Variants in BTBD9 observed in about 807,000 individuals in gnomAD.
BTBD9 encodes BTB/POZ domain-containing protein 9.
Under a neutral mutation model 64.3 loss-of-function variants are expected in BTBD9, and 49 were observed. The observed-to-expected ratio is 0.76, with a 90% confidence interval of 0.61 to 0.97. The LOEUF (loss-of-function observed/expected upper bound fraction) is 0.97, where lower values mean the gene tolerates loss of function less well. Ranked by LOEUF, BTBD9 falls within the 50% of genes least tolerant of loss-of-function variation. BTBD9 has a pLI of 0.00. For missense variants in BTBD9, 598 were observed against 762.1 expected, an observed-to-expected ratio of 0.78 and a Z score of 2.53; for synonymous variants, 260 against 274.7, an observed-to-expected ratio of 0.95 and a Z score of 0.53.
chr6:38,378,008 C>T (rs1026295567), intron 6 of BTBD9, among the ~76,000 whole-genome samples: 4 of 152,086 alleles, frequency 2.6e-5, no homozygotes, highest in African/African-American at 7.2e-5. Flanking sequence ...AATATGTCTG[C>T]GTTGTCTAAA....
chr6:38,233,525 G>A (rs1763682362), intron 9 of BTBD9, among the ~76,000 whole-genome samples: 1 of 152,196 alleles, frequency 6.6e-6, no homozygotes, highest in South Asian at 2.1e-4. Context: ...ACAAGGCTGG[G>A]CAGAAAGCAA....
intron 6 of BTBD9, among the ~76,000 whole-genome samples, chr6:38,361,538 G>A (rs955081655): frequency 6.7e-6 from 1 of 149,264 alleles, no homozygotes; most frequent in African/African-American, 2.5e-5. Flanking sequence ...ACGAGACCCT[G>A]TCTCTTAAAA....
At chr6:38,600,583 T>G (rs1056546215) in intron 1 of BTBD9, among the ~76,000 whole-genome samples, 1 of 152,184 alleles carries the variant, frequency 6.6e-6, no homozygotes, top group African/African-American at 2.4e-5. Context: ...CGTGCATGAT[T>G]CTAAACAAAA....
At chr6:38,553,556 A>C (rs1774900267) in intron 6 of BTBD9, among the ~76,000 whole-genome samples, 1 of 152,230 alleles carries the variant, frequency 6.6e-6, no homozygotes, top group African/African-American at 2.4e-5. Context: ...AAGAGCAAAA[A>C]GTCTTTTTAA....
intron 9 of BTBD9, among the ~76,000 whole-genome samples, chr6:38,227,401 C>T (rs1230009277): frequency 1.3e-5 from 2 of 152,128 alleles, no homozygotes; most frequent in Non-Finnish European, 2.9e-5. Flanking sequence ...TGCTTGAAGG[C>T]CTAAACAATG....
chr6:38,233,606 C>A (rs2127519019), intron 9 of BTBD9, among the ~76,000 whole-genome samples: 1 of 152,352 alleles, frequency 6.6e-6, no homozygotes, highest in Admixed American at 6.5e-5. Context: ...CTTACTTGGC[C>A]TGCCAGCGCC....
At chr6:38,358,750 G>T (rs1026160243) in intron 6 of BTBD9, among the ~76,000 whole-genome samples, 32 of 150,794 alleles carry the variant, frequency 2.1e-4, no homozygotes, top group African/African-American at 2.2e-4. Context: ...AATAATAAAT[G>T]ATTTCAATGG....
chr6:38,417,074 G>A (rs1202493723), intron 6 of BTBD9, among the ~76,000 whole-genome samples: 1 of 152,122 alleles, frequency 6.6e-6, no homozygotes, highest in Non-Finnish European at 1.5e-5. Context: ...CAAGTAGCTA[G>A]GACTACAGGC....
intron 6 of BTBD9, among the ~76,000 whole-genome samples, chr6:38,574,429 C>T (rs959208977): frequency 1.3e-5 from 2 of 151,918 alleles, no homozygotes; most frequent in South Asian, 4.2e-4. Flanking sequence ...TATGGGTTGG[C>T]GATACAAAAA....
At chr6:38,178,844 C>CTATTTATTTATTTATTTATT (rs148021128) in intron 10 of BTBD9, among the ~76,000 whole-genome samples, 1 of 151,322 alleles carries the variant, frequency 6.6e-6, no homozygotes. Flanking sequence ...ACAAAGGAGG[C>CTATTTATTTATTTATTTATT]TATTTATTTA....
chr6:38,304,468 T>A (rs1188395759), intron 7 of BTBD9, among the ~76,000 whole-genome samples: 2 of 151,100 alleles, frequency 1.3e-5, no homozygotes, highest in East Asian at 3.9e-4. Flanking sequence ...CTCGCTTGAA[T>A]CCGGGAGGCA....
At chr6:38,361,992 AC>A (rs1218092214) in intron 6 of BTBD9, among the ~76,000 whole-genome samples, 1 of 151,994 alleles carries the variant, frequency 6.6e-6, no homozygotes, top group Non-Finnish European at 1.5e-5. Flanking sequence ...GACCCAACAC[AC>A]CTCCACTTGC....
chr6:38,536,355 G>T (rs1049027764), intron 6 of BTBD9, among the ~76,000 whole-genome samples: 1 of 152,116 alleles, frequency 6.6e-6, no homozygotes, highest in Non-Finnish European at 1.5e-5. Flanking sequence ...GGAGAAAAGG[G>T]AACCCTCGTA....
At chr6:38,275,804 A>C (rs147764284) in intron 8 of BTBD9, among the ~76,000 whole-genome samples, 2 of 151,616 alleles carry the variant, frequency 1.3e-5, no homozygotes, top group Admixed American at 6.6e-5. Context: ...TGAGATACCA[A>C]CTCACACCAG....
chr6:38,175,084 A>AC lies in BTBD9; in HGVS notation c.1739dup (p.Gln581SerfsTer12). 3 of 1,614,214 alleles carry AC rather than the reference A, an allele frequency of 1.9e-6. No homozygotes were observed. The highest frequency in any genetic ancestry group is 2.5e-6 in the Non-Finnish European group (3 of 1,180,038). ...GCAGCGCATGGGAGTCGAGCTGCTGACCGGCCAGGCTGGTGTCCCCTGTCC... is the reference window on the plus strand; with the variant it reads ...GCAGCGCATGGGAGTCGAGCTGCTGACCCGGCCAGGCTGGTGTCCCCTGTCC... On this transcript the variant is annotated frameshift_variant, in exon 11 of 11. Coordinates refer to ENST00000481247, the MANE Select transcript of BTBD9 (RefSeq NM_001099272.2). LOFTEE classifies it high-confidence loss of function.
At chr6:38,196,368 T>C (rs1762274489) in intron 9 of BTBD9, among the ~76,000 whole-genome samples, 2 of 152,228 alleles carry the variant, frequency 1.3e-5, no homozygotes, top group African/African-American at 4.8e-5. Flanking sequence ...TATTGGCATA[T>C]ATTAAATACT....
chr6:38,343,045 A>T (rs1440281529), intron 7 of BTBD9, among the ~76,000 whole-genome samples: 1 of 152,216 alleles, frequency 6.6e-6, no homozygotes, highest in African/African-American at 2.4e-5. Flanking sequence ...GCCTACCTGC[A>T]CCACTGCTCC....
At chr6:38,365,123 G>A (rs914179395) in intron 6 of BTBD9, among the ~76,000 whole-genome samples, 2 of 152,008 alleles carry the variant, frequency 1.3e-5, no homozygotes, top group African/African-American at 4.8e-5. Flanking sequence ...TTTTAAAAAA[G>A]TAATTAACAT....
chr6:38,355,351 C>A (rs538141328), intron 6 of BTBD9, among the ~76,000 whole-genome samples: 71 of 152,100 alleles, frequency 4.7e-4, no homozygotes, highest in Non-Finnish European at 9.3e-4. Flanking sequence ...AATTTTGAAG[C>A]CTGTCTCCAA....
Sources: allele counts gnomAD v4.1 joint callset (sites outside exome capture counted in the v4.1 genomes callset), GRCh38; gene constraint gnomAD v4.1.1; transcripts MANE v1.5; gene names NCBI Gene and HGNC (gene_info 2026-07-23, HGNC 2026-07-21).